UGGT2: variants seen among roughly 807,000 people sequenced by gnomAD.
UGGT2 encodes UDP-glucose:glycoprotein glucosyltransferase 2.
In UGGT2, 180 loss-of-function variants were observed where a neutral mutation model predicts 192.1. The observed-to-expected ratio is 0.94, with a 90% CI of 0.83 to 1.06. The LOEUF is 1.06. UGGT2 is among the 50% of genes least tolerant of loss of function. The probability of loss-of-function intolerance (pLI) is 0.00; values close to 1 mark genes in which losing one functional copy is unlikely to be tolerated. For missense variants in UGGT2, 1,849 were observed against 1,795.7 expected (o/e 1.03, Z -0.54); for synonymous variants, 580 against 591.0 (o/e 0.98, Z 0.27).
At chr13:95,979,288 A>G (rs1026322562) in intron 10 of UGGT2, among the ~76,000 whole-genome samples, 6 of 152,154 alleles carry the variant, frequency 3.9e-5, no homozygotes, top group Admixed American at 3.3e-4. Context: ...TGTCTCCTAA[A>G]TAAAACCAAA....
In UGGT2 at chr13:96,021,720, A is replaced by G. The variant is rs960027383; in HGVS notation, c.485+1320T>C. Among the ~76,000 whole-genome samples, 5 of 152,236 alleles carry G rather than the reference A, an allele frequency of 3.3e-5. No homozygotes were observed. The South Asian group carries it at 1.0e-3, about 31-fold the overall frequency. On this transcript the variant is annotated intron_variant, in intron 4 of 38. Coordinates refer to ENST00000376747, the MANE Select transcript of UGGT2 (RefSeq NM_020121.4). Reference sequence around the variant, plus strand: ...ATTTCAAAGTATTTTGTAATATATTAGTATGTCCAATGAGAAAAACCTTGT... The same window carrying G: ...ATTTCAAAGTATTTTGTAATATATTGGTATGTCCAATGAGAAAAACCTTGT...
chr13:96,020,701 G>GT (rs758772279), intron 4 of UGGT2, among the ~76,000 whole-genome samples: 1 of 152,130 alleles, frequency 6.6e-6, no homozygotes, highest in Non-Finnish European at 1.5e-5. Context: ...GGGAAGAAAT[G>GT]TAAGTATTGA....
At chr13:95,992,621 G>A (rs763925394) in intron 7 of UGGT2, among the ~76,000 whole-genome samples, 5 of 152,132 alleles carry the variant, frequency 3.3e-5, no homozygotes, top group South Asian at 2.1e-4. Context: ...CAAAAGACAT[G>A]AACAGACACT....
intron 38 of UGGT2, among the ~76,000 whole-genome samples, chr13:95,811,194 A>G (rs1356245602): frequency 6.6e-6 from 1 of 152,222 alleles, no homozygotes; most frequent in Admixed American, 6.5e-5. Context: ...ACAGTCTGAC[A>G]GTTCCTCAAG....
At position 95,856,316 on chromosome 13, in the gene UGGT2, C is replaced by T; in HGVS notation, c.3850G>A (p.Glu1284Lys). ...FKEVIPHMAK[E>K]YGFRYELVQY... ...ACTAGTTCATATCGGAATCCATACT[C>T]TTTAGCCATGTGAGGAATTACTTCC... is the stretch of plus-strand genomic sequence containing the variant. The change falls in exon 34 of 39, where the codon GAG (glutamate) becomes AAG (lysine). Residue 1284 changes from glutamate (E) to lysine (K), a missense_variant. Glu to Lys is a moderately conservative substitution (Grantham distance 56). Coordinates refer to ENST00000376747, the MANE Select transcript of UGGT2 (RefSeq NM_020121.4). The T allele has an allele frequency of 6.2e-7, 1 of 1,607,398 alleles. No individual in the cohort carries two copies. The highest frequency in any genetic ancestry group is 8.5e-7 in the Non-Finnish European group (1 of 1,178,530).
chr13:96,006,009 T>C (rs572620575), intron 5 of UGGT2, among the ~76,000 whole-genome samples: 2 of 152,282 alleles, frequency 1.3e-5, no homozygotes, highest in Middle Eastern at 3.4e-3. Context: ...ACACAAAATG[T>C]TGAGCTTTTA....
chr13:95,843,037 G>C (rs944365428), intron 36 of UGGT2, among the ~76,000 whole-genome samples: 1 of 152,184 alleles, frequency 6.6e-6, no homozygotes, highest in Admixed American at 6.5e-5. Context: ...CAGGGGGGTT[G>C]TTTCTAGATT....
chr13:95,959,722 C>T (rs369289046), intron 12 of UGGT2, among the ~76,000 whole-genome samples: 4 of 152,262 alleles, frequency 2.6e-5, no homozygotes, highest in Middle Eastern at 3.4e-3. Context: ...TGCCATTGCC[C>T]GTGCCACAAC....
At chr13:95,874,395 T>G (rs959936244) in intron 29 of UGGT2, among the ~76,000 whole-genome samples, 19 of 152,174 alleles carry the variant, frequency 1.2e-4, no homozygotes, top group African/African-American at 4.3e-4. Flanking sequence ...AAACGAGGGT[T>G]ACCTGAATAT....
At chr13:96,042,126 C>G (rs139715222) in intron 1 of UGGT2, among the ~76,000 whole-genome samples, 1 of 152,130 alleles carries the variant, frequency 6.6e-6, no homozygotes, top group South Asian at 2.1e-4. Context: ...CCATTTCACC[C>G]CCCTGCCACC....
intron 27 of UGGT2, among the ~76,000 whole-genome samples, chr13:95,878,726 CTATTG>C (rs2047411626): frequency 6.6e-6 from 1 of 152,112 alleles, no homozygotes; most frequent in African/African-American, 2.4e-5. Flanking sequence ...GTTTTCAACA[CTATTG>C]TTTAGTGTGT....
At chr13:96,002,337 C>G (rs1375726500) in intron 5 of UGGT2, among the ~76,000 whole-genome samples, 1 of 152,242 alleles carries the variant, frequency 6.6e-6, no homozygotes, top group Admixed American at 6.5e-5. Context: ...AGTGCACACT[C>G]TAGACCCATG....
chr13:95,970,587 CTT>C (rs1191499982), intron 11 of UGGT2, among the ~76,000 whole-genome samples: 1 of 152,100 alleles, frequency 6.6e-6, no homozygotes, highest in Non-Finnish European at 1.5e-5. Flanking sequence ...TTAGGTCACT[CTT>C]TTGACAAACC....
intron 37 of UGGT2, among the ~76,000 whole-genome samples, chr13:95,834,289 G>T (rs1401859136): frequency 6.6e-6 from 1 of 151,886 alleles, no homozygotes; most frequent in African/African-American, 2.4e-5. Flanking sequence ...TTCTTAACTG[G>T]GTAATCATGC....
chr13:95,813,210 A>G (rs939313795), intron 38 of UGGT2, among the ~76,000 whole-genome samples: 9 of 152,154 alleles, frequency 5.9e-5, no homozygotes, highest in African/African-American at 2.2e-4. Flanking sequence ...AGGGCTCAAA[A>G]GAAAACAGGA....
At chr13:96,023,533 T>C (rs117062323) in intron 3 of UGGT2, 96 bp downstream of exon 3, 17,281 of 1,308,318 alleles carry the variant, frequency 0.013, 157 homozygotes, top group Middle Eastern at 0.031. Flanking sequence ...TATAAACTTG[T>C]AGATCATTTT....
intron 30 of UGGT2, among the ~76,000 whole-genome samples, chr13:95,864,754 G>C (rs1479166361): frequency 6.6e-6 from 1 of 152,014 alleles, no homozygotes; most frequent in Non-Finnish European, 1.5e-5. Flanking sequence ...TTTCTTTCTA[G>C]ATTTTCTTTA....
chr13:95,991,905 G>T (rs2051469646), intron 7 of UGGT2, among the ~76,000 whole-genome samples: 1 of 152,130 alleles, frequency 6.6e-6, no homozygotes, highest in Non-Finnish European at 1.5e-5. Context: ...TTTTAAAAAT[G>T]AATAGCCTTG....
chr13:96,036,995 G>C (rs990249908), intron 1 of UGGT2, among the ~76,000 whole-genome samples: 1 of 152,100 alleles, frequency 6.6e-6, no homozygotes, highest in African/African-American at 2.4e-5. Flanking sequence ...CAAAATATAT[G>C]GCTCAAAATA....
Sources: allele counts gnomAD v4.1 joint callset (sites outside exome capture counted in the v4.1 genomes callset), GRCh38; gene constraint gnomAD v4.1.1; transcripts MANE v1.5; gene names NCBI Gene and HGNC (gene_info 2026-07-23, HGNC 2026-07-21).